Variants in C1orf94 observed in about 807,000 individuals in gnomAD.
C1orf94 encodes uncharacterized protein C1orf94.
In C1orf94, 45 loss-of-function variants were observed where a neutral mutation model predicts 53.6. The observed-to-expected ratio is 0.84, with a 90% CI of 0.66 to 1.08. The LOEUF (loss-of-function observed/expected upper bound fraction) is 1.08. Ranked by LOEUF, C1orf94 falls within the 50% of genes least tolerant of loss-of-function variation. C1orf94 has a pLI of 0.00. For missense variants in C1orf94, 762 were observed against 738.9 expected, an observed-to-expected ratio of 1.03 and a Z score of -0.36; for synonymous variants, 304 against 296.1, an observed-to-expected ratio of 1.03 and a Z score of -0.27.
chr1:34,183,929 G>T (rs1022147411), intron 1 of C1orf94, among the ~76,000 whole-genome samples: 1 of 152,052 alleles, frequency 6.6e-6, no homozygotes, highest in Non-Finnish European at 1.5e-5. Flanking sequence ...AAAAGCTGGG[G>T]ACAGTCTCTG....
In C1orf94 at chr1:34,218,722, C is replaced by A. The variant is rs1416585253; in HGVS notation, c.1758C>A (p.Ser586Arg). The change falls in exon 7 of 7, where the codon AGC (serine) becomes AGA (arginine). Residue 586 changes from serine (S) to arginine (R), a missense_variant. Transcript: ENST00000488417. Reference sequence around the variant, plus strand: ...CATCCGGAGGGCCCTTGATGCACAGCCCCTATTTTTCTTCCAGTGGGAATG... The same window carrying A: ...CATCCGGAGGGCCCTTGATGCACAGACCCTATTTTTCTTCCAGTGGGAATG... Reference protein sequence around the residue: ...GSTSGGPLMHSPYFSSSGNGI... With the variant: ...GSTSGGPLMHRPYFSSSGNGI... The A allele has an allele frequency of 1.9e-6, 3 of 1,612,708 alleles. No homozygotes were observed. Among genetic ancestry groups the A allele is most frequent in the Non-Finnish European group, 1.7e-6 (2 of 1,179,216 alleles).
intron 6 of C1orf94, among the ~76,000 whole-genome samples, chr1:34,215,290 T>A (rs1436351907): frequency 6.6e-6 from 1 of 151,158 alleles, no homozygotes; most frequent in East Asian, 1.9e-4. Context: ...AGGGAGGGAG[T>A]GCATGGAATT....
intron 4 of C1orf94, 102 bp downstream of exon 4, chr1:34,202,361 C>T (rs1042240040): frequency 1.0e-5 from 13 of 1,255,986 alleles, no homozygotes; most frequent in Admixed American, 2.5e-5. Flanking sequence ...CTTTAGACTC[C>T]TCTGAATCCC....
At chr1:34,171,667 A>G (rs932498908) in intron 1 of C1orf94, among the ~76,000 whole-genome samples, 4 of 152,260 alleles carry the variant, frequency 2.6e-5, no homozygotes, top group Non-Finnish European at 4.4e-5. Context: ...TTATGAAAAC[A>G]GAATTGCATA....
At chr1:34,193,751 C>T (rs1005883454) in intron 1 of C1orf94, among the ~76,000 whole-genome samples, 2 of 152,354 alleles carry the variant, frequency 1.3e-5, no homozygotes, top group East Asian at 1.9e-4. Context: ...TGACTGGCTT[C>T]CTGTGTGGCC....
At chr1:34,195,347 AG>A (rs1376225494) in intron 1 of C1orf94, among the ~76,000 whole-genome samples, 1 of 152,138 alleles carries the variant, frequency 6.6e-6, no homozygotes, top group African/African-American at 2.4e-5. Flanking sequence ...CCCATTTTAC[AG>A]GGGAGGACAC....
intron 2 of C1orf94, among the ~76,000 whole-genome samples, 190 bp from the exon 3 acceptor site, chr1:34,200,582 G>C (rs1176671240): frequency 6.6e-6 from 1 of 152,118 alleles, no homozygotes; most frequent in Non-Finnish European, 1.5e-5. Context: ...GCATGAGATC[G>C]GGGGGCAGGG....
In C1orf94 at chr1:34,219,058, G is replaced by C. The variant is rs1643040881; in HGVS notation, c.*297G>C. 4.3e-6 allele frequency: 1 copy of C among 230,422 alleles called. No individual in the cohort carries two copies. Among genetic ancestry groups the C allele is most frequent in the South Asian group, 1.8e-4 (1 of 5,620 alleles). The allele number at this position is 230,422 out of a possible 1,614,324, so 14.3% of individuals were successfully genotyped here. A position where few individuals can be genotyped will look rare whatever the true frequency, so the allele number is the denominator to read the frequency against. On this transcript the variant is annotated 3_prime_UTR_variant, in exon 7 of 7. Transcript: ENST00000488417. ...ATGAGTGATTTTTGTTTTTGTTTTT[G>C]TTGGTAAAATAGAAGTAAGACACTT...
intron 2 of C1orf94, among the ~76,000 whole-genome samples, chr1:34,198,482 C>T (rs1489692112): frequency 1.3e-5 from 2 of 152,184 alleles, no homozygotes; most frequent in Non-Finnish European, 2.9e-5. Flanking sequence ...ACATTCTTCC[C>T]AGGAAAGCCA....
At chr1:34,208,341 C>T (rs1391584658) in intron 5 of C1orf94, 107 bp downstream of exon 5, 34 of 1,101,352 alleles carry the variant, frequency 3.1e-5, no homozygotes, top group Non-Finnish European at 2.8e-5. Context: ...GACACCTGGC[C>T]CACCATTGGC....
At chr1:34,168,891 G>C (rs1642093756) in intron 1 of C1orf94, among the ~76,000 whole-genome samples, 2 of 152,024 alleles carry the variant, frequency 1.3e-5, no homozygotes, top group Admixed American at 1.3e-4. Flanking sequence ...ATGAATTTGG[G>C]TGGGGGGGCA....
At position 34,178,117 on chromosome 1, in the gene C1orf94, C is replaced by T. The variant is rs1368966193; in HGVS notation, c.320+8C>T. 10 of 1,546,504 alleles carry T rather than the reference C, an allele frequency of 6.5e-6. No individual in the cohort carries two copies. Among genetic ancestry groups the T allele is most frequent in the South Asian group, 1.2e-5 (1 of 83,820 alleles). ...GCTCAGCTTTCAAGAAGAGTAAGTA[C>T]CCCCCTACTCCATTGGCAGCAAGGG... On this transcript the variant is annotated splice_region_variant and intron_variant, in intron 1 of 6. Coordinates refer to ENST00000488417, the MANE Select transcript of C1orf94 (RefSeq NM_001134734.2).
chr1:34,200,709 G>A lies in C1orf94; in HGVS notation c.1010-63G>A, dbSNP rs542498103. On this transcript the variant is annotated intron_variant, in intron 2 of 6. Coordinates refer to ENST00000488417, the MANE Select transcript of C1orf94 (RefSeq NM_001134734.2). ...GATTCATCATTTAGTCCACAAAAAG[G>A]TGCTTCCAGCATCCAGCACTTGGCC... The A allele has an allele frequency of 3.0e-4, 484 of 1,593,684 alleles. 7 individuals carry two copies. The South Asian group carries it at 4.4e-3, about 15-fold the overall frequency.
rs552564216 is a variant in C1orf94, at chr1:34,214,816, G to A, written c.1721+2410G>A. ...GAAAGCCAGAGACAGTGGAGGCAAA[G>A]AGGAGGGTGAGGAGAAGGAGCAGGG... On this transcript the variant is annotated intron_variant, in intron 6 of 6. Coordinates refer to ENST00000488417, the MANE Select transcript of C1orf94 (RefSeq NM_001134734.2). Among the ~76,000 whole-genome samples the A allele has an allele frequency of 1.9e-4, 29 of 152,320 alleles. No homozygotes were observed. In the South Asian group the frequency reaches 3.7e-3, roughly 20 times the overall value.
At chr1:34,179,439 G>C (rs1256490879) in intron 1 of C1orf94, among the ~76,000 whole-genome samples, 1 of 152,262 alleles carries the variant, frequency 6.6e-6, no homozygotes, top group Admixed American at 6.5e-5. Flanking sequence ...TGTGGACCAA[G>C]GGTCAGTAGC....
intron 2 of C1orf94, among the ~76,000 whole-genome samples, chr1:34,199,681 C>T (rs1642664455): frequency 6.6e-6 from 1 of 152,212 alleles, no homozygotes. Flanking sequence ...CCCACCACTG[C>T]TGTGGAGGAT....
In C1orf94 at chr1:34,192,414, G is replaced by A. The variant is rs141614184; in HGVS notation, c.321-4811G>A. Among the ~76,000 whole-genome samples the A allele has an allele frequency of 7.8e-3, 1,183 of 152,292 alleles. 19 individuals are homozygous for A. Among genetic ancestry groups the A allele is most frequent in the African/African-American group, 0.027 (1,123 of 41,552 alleles). ...ATGCCAGGCCAGAGATGGGATGTGA[G>A]ATGAAAGGCCAGAAAATGGAACCAA... On this transcript the variant is annotated intron_variant, in intron 1 of 6. Transcript: ENST00000488417.
upstream of C1orf94, among the ~76,000 whole-genome samples, chr1:34,174,735 A>G (rs942974520): frequency 2.6e-5 from 4 of 152,164 alleles, no homozygotes; most frequent in Admixed American, 2.6e-4. Context: ...ATGGCAAGGA[A>G]ATAAAATTCT....
At chr1:34,195,887 C>T (rs1642571350) in intron 1 of C1orf94, among the ~76,000 whole-genome samples, 2 of 152,090 alleles carry the variant, frequency 1.3e-5, no homozygotes, top group Non-Finnish European at 2.9e-5. Context: ...TTTGGAGACT[C>T]ATCATGCCCT....
Sources: allele counts gnomAD v4.1 joint callset (sites outside exome capture counted in the v4.1 genomes callset), GRCh38; gene constraint gnomAD v4.1.1; transcripts MANE v1.5; gene names NCBI Gene and HGNC (gene_info 2026-07-23, HGNC 2026-07-21).